Variants in CCDC91 observed in about 807,000 individuals in gnomAD.
The protein encoded by CCDC91 is coiled-coil domain containing 91, also known as coiled-coil domain-containing protein 91.
In CCDC91, 48 loss-of-function variants were observed where a neutral mutation model predicts 63.2. That is an observed-to-expected ratio of 0.76 (90% CI 0.60 to 0.97). The LOEUF (loss-of-function observed/expected upper bound fraction) is 0.97. CCDC91 is among the 50% of genes least tolerant of loss of function. The probability of loss-of-function intolerance (pLI) is 0.00; values close to 1 mark genes in which losing one functional copy is unlikely to be tolerated. For missense variants in CCDC91, 500 were observed against 494.6 expected, an observed-to-expected ratio of 1.01 and a Z score of -0.10; for synonymous variants, 167 against 165.8, an observed-to-expected ratio of 1.01 and a Z score of -0.06.
chr12:28,390,805 A>G (rs906106080), intron 7 of CCDC91, among the ~76,000 whole-genome samples: 9 of 152,094 alleles, frequency 5.9e-5, no homozygotes, highest in Non-Finnish European at 1.0e-4. Context: ...CAGAGTTTCC[A>G]TCTGCTTTTA....
chr12:28,302,627 T>A (rs1023984640), intron 3 of CCDC91: 2 of 984,382 alleles, frequency 2.0e-6, no homozygotes, highest in Non-Finnish European at 2.4e-6. Context: ...AGTCAGGGAA[T>A]GTTAGTAGTA....
At chr12:28,257,648 T>C (rs1489210402) in intron 2 of CCDC91, among the ~76,000 whole-genome samples, 2 of 152,138 alleles carry the variant, frequency 1.3e-5, no homozygotes, top group African/African-American at 4.8e-5. Context: ...GTTGATTTAG[T>C]ATATTAAGTA....
At chr12:28,547,192 A>G (rs191027314) in intron 12 of CCDC91, among the ~76,000 whole-genome samples, 89 of 152,226 alleles carry the variant, frequency 5.8e-4, no homozygotes, top group African/African-American at 2.0e-3. Context: ...ATGGACTGGA[A>G]CTGAGTATTG....
At chr12:28,439,442 T>A (rs1440829304) in intron 8 of CCDC91, among the ~76,000 whole-genome samples, 1 of 152,166 alleles carries the variant, frequency 6.6e-6, no homozygotes, top group Non-Finnish European at 1.5e-5. Flanking sequence ...TCTTACCAGA[T>A]CACTTGATCT....
intron 7 of CCDC91, among the ~76,000 whole-genome samples, chr12:28,382,358 G>T (rs1253110235): frequency 2.0e-5 from 3 of 151,406 alleles, no homozygotes; most frequent in Admixed American, 6.6e-5. Flanking sequence ...CAATAATGTT[G>T]ATCCTAGGTT....
At chr12:28,436,688 T>C (rs1221378714) in intron 8 of CCDC91, among the ~76,000 whole-genome samples, 1 of 151,898 alleles carries the variant, frequency 6.6e-6, no homozygotes, top group Non-Finnish European at 1.5e-5. Flanking sequence ...TTATCTCATT[T>C]TATCTGATCA....
At chr12:28,224,106 T>C (rs1354983689) in intron 1 of CCDC91, among the ~76,000 whole-genome samples, 2 of 152,172 alleles carry the variant, frequency 1.3e-5, no homozygotes, top group East Asian at 1.9e-4. Context: ...AAAAACTGTT[T>C]CAAAGAAGTA....
At chr12:28,370,700 G>T (rs1411984469) in intron 7 of CCDC91, among the ~76,000 whole-genome samples, 4 of 152,184 alleles carry the variant, frequency 2.6e-5, no homozygotes, top group African/African-American at 9.7e-5. Context: ...TTGAGACTGG[G>T]TAATTTATAA....
At chr12:28,453,609 CTA>C (rs1273546179) in intron 11 of CCDC91, among the ~76,000 whole-genome samples, 1 of 151,950 alleles carries the variant, frequency 6.6e-6, no homozygotes, top group African/African-American at 2.4e-5. Context: ...TAGGTACCAT[CTA>C]TGTTAAAATA....
chr12:28,280,809 T>C (rs959110030), intron 3 of CCDC91, among the ~76,000 whole-genome samples: 17 of 127,054 alleles, frequency 1.3e-4, no homozygotes, highest in African/African-American at 4.7e-4. Flanking sequence ...TGAGACCGCG[T>C]TTCTTTAAAA....
At chr12:28,544,398 G>T (rs1942841144) in intron 12 of CCDC91, among the ~76,000 whole-genome samples, 1 of 151,654 alleles carries the variant, frequency 6.6e-6, no homozygotes, top group South Asian at 2.1e-4. Flanking sequence ...GTCTTCTCTA[G>T]TCACTTTACC....
In CCDC91 at chr12:28,415,227, A is replaced by AT. The variant is rs35304033; in HGVS notation, c.762+23829dup. 3.5e-3 allele frequency among the ~76,000 whole-genome samples: 516 copies of AT among 145,806 alleles called. 3 individuals carry two copies. The highest frequency in any genetic ancestry group is 5.4e-3 in the Non-Finnish European group (356 of 66,122). ...GAAATGTTATTTGTTTGTAAAGCGG[A>AT]TTTTTTTTTTTTTGAGATGGAGTTT... is the stretch of plus-strand genomic sequence containing the variant. On this transcript the variant is annotated intron_variant, in intron 8 of 12. Coordinates refer to ENST00000536442, the MANE Select transcript of CCDC91 (RefSeq NM_018318.5).
At chr12:28,405,579 T>C (rs1481663893) in intron 8 of CCDC91, among the ~76,000 whole-genome samples, 1 of 152,228 alleles carries the variant, frequency 6.6e-6, no homozygotes, top group Admixed American at 6.5e-5. Context: ...CTTTTTATTC[T>C]GGTGAACACA....
chr12:28,275,348 T>C (rs1322151103), intron 3 of CCDC91, among the ~76,000 whole-genome samples: 5 of 152,042 alleles, frequency 3.3e-5, no homozygotes, highest in African/African-American at 4.8e-5. Flanking sequence ...AACACCTCTA[T>C]GCAAATAAAC....
rs1192417351 is a variant in CCDC91 at position 28,199,215 on chromosome 12, G to A, written c.-15+8574G>A. On this transcript the variant is annotated intron_variant, in intron 1 of 12. Transcript: ENST00000536442. ...GTTGTGAGCCACTGCACCCGGCCTTGACGTTTCTTTTACTAAATATTTTTT... is the reference window on the plus strand; with the variant it reads ...GTTGTGAGCCACTGCACCCGGCCTTAACGTTTCTTTTACTAAATATTTTTT... 2.6e-5 allele frequency among the ~76,000 whole-genome samples: 4 copies of A among 151,972 alleles called. No homozygotes were observed. The East Asian group carries it at 7.7e-4, about 29-fold the overall frequency.
chr12:28,329,141 A>C (rs1406796883), intron 6 of CCDC91, among the ~76,000 whole-genome samples: 1 of 152,186 alleles, frequency 6.6e-6, no homozygotes, highest in African/African-American at 2.4e-5. Context: ...AAGCAAGTTA[A>C]AATGTGAATC....
chr12:28,349,138 A>G (rs1201468128), intron 6 of CCDC91, among the ~76,000 whole-genome samples: 1 of 151,832 alleles, frequency 6.6e-6, no homozygotes, highest in Non-Finnish European at 1.5e-5. Flanking sequence ...TTCTTGTTTT[A>G]TGAGTGTCAT....
Position 28,301,297 on chromosome 12 carries a change from C to T in CCDC91, c.110-4352C>T, listed in dbSNP as rs201874201. ...CTGAAATGGGTGTTCAGTTTTATCA[C>T]GGGCATTTCCAGAGTCTGGAGATAA... On this transcript the variant is annotated intron_variant, in intron 3 of 12. Transcript: ENST00000536442. Among the ~76,000 whole-genome samples the T allele has an allele frequency of 5.3e-5, 8 of 151,550 alleles. 1 individual carries two copies. Among genetic ancestry groups the T allele is most frequent in the East Asian group, 1.9e-4 (1 of 5,162 alleles).
chr12:28,494,430 T>G (rs899501511), intron 12 of CCDC91, among the ~76,000 whole-genome samples: 5 of 151,736 alleles, frequency 3.3e-5, no homozygotes, highest in African/African-American at 7.3e-5. Context: ...TGCATTAAGT[T>G]GCCTTTAACT....
Sources: allele counts gnomAD v4.1 joint callset (sites outside exome capture counted in the v4.1 genomes callset), GRCh38; gene constraint gnomAD v4.1.1; transcripts MANE v1.5; gene names NCBI Gene and HGNC (gene_info 2026-07-23, HGNC 2026-07-21).